DHX33: variants seen among roughly 807,000 people sequenced by gnomAD.
DHX33 encodes the protein DEAH-box helicase 33, also known as ATP-dependent RNA helicase DHX33.
In DHX33, 42 loss-of-function variants were observed where a neutral mutation model predicts 72.5. The observed-to-expected ratio is 0.58, with a 90% confidence interval of 0.45 to 0.75. The LOEUF is 0.75. Ranked by LOEUF, DHX33 falls within the 30% of genes least tolerant of loss-of-function variation. The pLI is 0.00. For synonymous variants in DHX33, 358 were observed against 366.1 expected (o/e 0.98, Z 0.25); for missense variants, 842 against 917.5 (o/e 0.92, Z 1.06).
chr17:5,465,266 CCTGTCAGT>C (rs749385005), intron 1 of DHX33, among the ~76,000 whole-genome samples: 89 of 152,214 alleles, frequency 5.8e-4, no homozygotes, highest in Non-Finnish European at 1.0e-3. Flanking sequence ...GGTTTTTTTC[CCTGTCAGT>C]CTGTCAGCCC....
chr17:5,451,018 TA>T, intron 8 of DHX33, 84 bp from the exon 9 acceptor site: 3 of 1,520,218 alleles, frequency 2.0e-6, no homozygotes, highest in Non-Finnish European at 2.7e-6. Flanking sequence ...GAGCTTCTGA[TA>T]ATTCTACATC....
chr17:5,449,860 T>C (rs1249942461), intron 10 of DHX33, among the ~76,000 whole-genome samples: 1 of 152,228 alleles, frequency 6.6e-6, no homozygotes, highest in Non-Finnish European at 1.5e-5. Context: ...AGATCTTACA[T>C]TAAGAAGTGC....
Position 5,440,949 on chromosome 17 carries a change from G to A in DHX33, c.*3256C>T, listed in dbSNP as rs922776017. 1 of 152,074 alleles carries A rather than the reference G, an allele frequency of 6.6e-6. No homozygotes were observed. Among genetic ancestry groups the A allele is most frequent in the African/African-American group, 2.4e-5 (1 of 41,382 alleles). 9.4% of individuals were successfully genotyped at this position (152,074 alleles called of 1,614,324 possible). On this transcript the variant is annotated 3_prime_UTR_variant, in exon 12 of 12. Transcript: ENST00000225296. Reference sequence around the variant, plus strand: ...TTCATTTTTAATGGATTTGATCGTCGGGTGCAAATTTGAGCATTATTTACA... The same window carrying A: ...TTCATTTTTAATGGATTTGATCGTCAGGTGCAAATTTGAGCATTATTTACA...
At chr17:5,467,615 G>GGCCGGGAATATGCCA (rs554142365) in intron 1 of DHX33, among the ~76,000 whole-genome samples, 7 of 152,112 alleles carry the variant, frequency 4.6e-5, no homozygotes, top group Non-Finnish European at 5.9e-5. Context: ...ACCCCACTCT[G>GGCCGGGAATATGCCA]GCCGGGAATA....
intron 1 of DHX33, among the ~76,000 whole-genome samples, chr17:5,464,111 G>T (rs1904763915): frequency 6.6e-6 from 1 of 152,136 alleles, no homozygotes; most frequent in East Asian, 1.9e-4. Context: ...CAAGGGAGGA[G>T]GATCACTTGA....
chr17:5,441,407 A>G lies in DHX33; in HGVS notation c.*2798T>C, dbSNP rs1285460321. 2 of 152,268 alleles carry G rather than the reference A, an allele frequency of 1.3e-5. No individual in the cohort carries two copies. Among genetic ancestry groups the G allele is most frequent in the East Asian group, 1.9e-4 (1 of 5,190 alleles). The allele number at this position is 152,268 out of a possible 1,614,324, so 9.4% of individuals were successfully genotyped here. Reference sequence around the variant, plus strand: ...CATGCAATCTGCTTGGAGTGCATCTATTTACATGAAGCTGCTCACGGGAGC... The same window carrying G: ...CATGCAATCTGCTTGGAGTGCATCTGTTTACATGAAGCTGCTCACGGGAGC... On this transcript the variant is annotated 3_prime_UTR_variant, in exon 12 of 12. Coordinates refer to ENST00000225296, the MANE Select transcript of DHX33 (RefSeq NM_020162.4).
At chr17:5,445,080 T>C (rs903531181) in intron 11 of DHX33, among the ~76,000 whole-genome samples, 9 of 151,084 alleles carry the variant, frequency 6.0e-5, no homozygotes, top group Admixed American at 4.6e-4. Flanking sequence ...TTTTTCTTTC[T>C]TTCTTTTTTT....
chr17:5,448,756 C>T (rs1021829781), intron 11 of DHX33, 53 bp downstream of exon 11: 8 of 1,424,594 alleles, frequency 5.6e-6, no homozygotes, highest in Non-Finnish European at 7.6e-6. Context: ...AAATTTCTAC[C>T]TTGAACAAAG....
At chr17:5,448,331 C>T (rs769884509) in intron 11 of DHX33, among the ~76,000 whole-genome samples, 1 of 152,226 alleles carries the variant, frequency 6.6e-6, no homozygotes, top group East Asian at 1.9e-4. Context: ...CAAAAACATA[C>T]ATACACAGAA....
At chr17:5,464,343 CA>C (rs1904775160) in intron 1 of DHX33, among the ~76,000 whole-genome samples, 1 of 152,110 alleles carries the variant, frequency 6.6e-6, no homozygotes, top group Non-Finnish European at 1.5e-5. Context: ...AAAACAACAA[CA>C]ACAAAAAGCA....
chr17:5,445,203 C>CA (rs1405129719), intron 11 of DHX33, among the ~76,000 whole-genome samples: 1 of 152,140 alleles, frequency 6.6e-6, no homozygotes, highest in African/African-American at 2.4e-5. Flanking sequence ...CCTAGCCTCC[C>CA]AAGTAGCTGG....
In DHX33 at chr17:5,442,215, T is replaced by A. The variant is rs1916461102; in HGVS notation, c.*1990A>T. On this transcript the variant is annotated 3_prime_UTR_variant, in exon 12 of 12. Coordinates refer to ENST00000225296, the MANE Select transcript of DHX33 (RefSeq NM_020162.4). Reference sequence around the variant, plus strand: ...CCTTGGCCTCCCAAAGTGCTGGGATTACAGGTGTGAGCCACTGCGCCCGGC... The same window carrying A: ...CCTTGGCCTCCCAAAGTGCTGGGATAACAGGTGTGAGCCACTGCGCCCGGC... 6.6e-6 allele frequency: 1 copy of A among 151,436 alleles called. No individual in the cohort carries two copies. Among genetic ancestry groups the A allele is most frequent in the Non-Finnish European group, 1.5e-5 (1 of 68,014 alleles). 9.4% of individuals were successfully genotyped at this position (151,436 alleles called of 1,614,324 possible).
rs961012570 is a variant in DHX33, at chr17:5,444,722, C to T, written c.1816-209G>A. 1.3e-5 allele frequency among the ~76,000 whole-genome samples: 2 copies of T among 152,198 alleles called. No homozygotes were observed. Among genetic ancestry groups the T allele is most frequent in the African/African-American group, 4.8e-5 (2 of 41,454 alleles). ...CAGCTGGAGGAGCACGGACCAGAAA[C>T]AGGGAAACTACCGCCTGTGAAGGTA... On this transcript the variant is annotated intron_variant, in intron 11 of 11. Coordinates refer to ENST00000225296, the MANE Select transcript of DHX33 (RefSeq NM_020162.4). The surrounding 1 kb of genome is among the most constrained non-coding windows in gnomAD (Gnocchi z 4.9).
At chr17:5,453,294 CG>C (rs796510137) in intron 8 of DHX33, among the ~76,000 whole-genome samples, 1 of 151,934 alleles carries the variant, frequency 6.6e-6, no homozygotes, top group South Asian at 2.1e-4. Context: ...GAGGCTGAGG[CG>C]GGGGGATCGC....
chr17:5,448,089 G>A (rs1916732321), intron 11 of DHX33, among the ~76,000 whole-genome samples: 2 of 152,164 alleles, frequency 1.3e-5, no homozygotes, highest in South Asian at 4.1e-4. Context: ...TGAGGCAGGA[G>A]AATCACCTGA....
intron 8 of DHX33, 99 bp downstream of exon 8, chr17:5,453,481 C>T: frequency 1.1e-6 from 1 of 940,488 alleles, no homozygotes. Context: ...ATTAAATAAA[C>T]AAAAGGAGAT....
chr17:5,452,414 C>T (rs1304796569), intron 8 of DHX33, among the ~76,000 whole-genome samples: 1 of 152,186 alleles, frequency 6.6e-6, no homozygotes. Context: ...GTGGTGCACA[C>T]CTGTAGTCCT....
At chr17:5,445,231 AC>A (rs1916608213) in intron 11 of DHX33, among the ~76,000 whole-genome samples, 1 of 152,072 alleles carries the variant, frequency 6.6e-6, no homozygotes, top group South Asian at 2.1e-4. Context: ...GGCGCCTGCC[AC>A]CACGCCTGGC....
In DHX33 at chr17:5,468,761, C is replaced by G; in HGVS notation, c.99G>C (p.Val33=). The change falls in exon 1 of 12, where the codon GTG becomes GTC. Residue 33 remains valine, a synonymous_variant. Coordinates refer to ENST00000225296, the MANE Select transcript of DHX33 (RefSeq NM_020162.4). ...AGSFPPGRQV[V]MLLTAGSGGR... is the part of the protein sequence containing the mutation. ...CGCCGCTGCCCGCAGTCAGCAGCAT[C>G]ACCACTTGCCTCCCGGGAGGGAAGG... 1 of 1,610,760 alleles carries G rather than the reference C, an allele frequency of 6.2e-7. No individual in the cohort carries two copies. The highest frequency in any genetic ancestry group is 8.5e-7 in the Non-Finnish European group (1 of 1,178,816).
Sources: allele counts gnomAD v4.1 joint callset (sites outside exome capture counted in the v4.1 genomes callset), GRCh38; gene constraint gnomAD v4.1.1; non-coding constraint Gnocchi (gnomAD v3.1); transcripts MANE v1.5; gene names NCBI Gene and HGNC (gene_info 2026-07-23, HGNC 2026-07-21).